HDLBP: variants seen among roughly 807,000 people sequenced by gnomAD.
The protein encoded by HDLBP is high density lipoprotein binding protein, also known as vigilin.
Under a neutral mutation model 137.3 loss-of-function variants are expected in HDLBP, and 30 were observed. That is an observed-to-expected ratio of 0.22 (90% CI 0.16 to 0.30). The LOEUF is 0.30. HDLBP is among the 10% of genes least tolerant of loss of function. The pLI is 1.00. For synonymous variants in HDLBP, 606 were observed against 596.0 expected, an observed-to-expected ratio of 1.02 and a Z score of -0.24; for missense variants, 1,119 against 1,667.3, an observed-to-expected ratio of 0.67 and a Z score of 5.73.
At chr2:241,236,257 G>A (rs986938135) in intron 21 of HDLBP, 3 of 308,588 alleles carry the variant, frequency 9.7e-6, no homozygotes, top group African/African-American at 2.1e-5. Context: ...AGGTGAGCTA[G>A]GCCTGATAAC....
At chr2:241,279,274 A>G (rs12474449) in intron 1 of HDLBP, among the ~76,000 whole-genome samples, 48,803 of 152,062 alleles carry the variant, frequency 0.32, 8,554 homozygotes, top group East Asian at 0.51. Flanking sequence ...ATTTTATACA[A>G]TTTTTATTTA....
intron 21 of HDLBP, chr2:241,236,342 C>T (rs1574856400): frequency 4.0e-6 from 2 of 498,068 alleles, no homozygotes; most frequent in South Asian, 4.8e-5. Flanking sequence ...TTCCACAGCC[C>T]CCGCACCCAC....
intron 1 of HDLBP, among the ~76,000 whole-genome samples, chr2:241,311,466 AG>A (rs1477112115): frequency 6.6e-6 from 1 of 152,232 alleles, no homozygotes; most frequent in African/African-American, 2.4e-5. Flanking sequence ...CTCCAACACA[AG>A]AGGGAGTGAG....
intron 1 of HDLBP, among the ~76,000 whole-genome samples, chr2:241,290,372 A>G (rs2074973150): frequency 6.6e-6 from 1 of 152,196 alleles, no homozygotes; most frequent in Non-Finnish European, 1.5e-5. Context: ...GCACCTTGAA[A>G]GGCCAAGGTG....
rs1039763993 is a variant in HDLBP, at chr2:241,240,756, G to C, written c.2170-634C>G. Among the ~76,000 whole-genome samples the C allele has an allele frequency of 6.6e-6, 1 of 152,076 alleles. No homozygotes were observed. The highest frequency in any genetic ancestry group is 2.4e-5 in the African/African-American group (1 of 41,418). On this transcript the variant is annotated intron_variant, in intron 17 of 27. Coordinates refer to ENST00000310931, the MANE Select transcript of HDLBP (RefSeq NM_005336.6). The surrounding 1 kb of genome is among the most constrained non-coding windows in gnomAD (Gnocchi z 5.5). ...GTGCGACGCCCTTGTGTGGCAGTAA[G>C]AAAACGAGGGTCCTGGAAAGGCCCC...
chr2:241,246,228 T>A (rs775870289), intron 16 of HDLBP, among the ~76,000 whole-genome samples: 1 of 138,756 alleles, frequency 7.2e-6, no homozygotes, highest in African/African-American at 2.8e-5. Context: ...AAGCATCTAC[T>A]GTGGCCGAAA....
intron 21 of HDLBP, 165 bp downstream of exon 21, chr2:241,236,450 T>G (rs951881225): frequency 1.4e-6 from 1 of 695,056 alleles, no homozygotes; most frequent in Non-Finnish European, 2.5e-6. Flanking sequence ...AAACTCTGTG[T>G]CCAGCCGAGA....
chr2:241,231,010 C>T (rs1454508333), intron 24 of HDLBP, 66 bp from the exon 25 acceptor site: 33 of 1,408,634 alleles, frequency 2.3e-5, no homozygotes, highest in Non-Finnish European at 3.1e-5. Context: ...GGGCAAGAGC[C>T]GGCCCCCACT....
intron 16 of HDLBP, among the ~76,000 whole-genome samples, chr2:241,243,859 A>G (rs1157410966): frequency 6.6e-6 from 1 of 152,194 alleles, no homozygotes; most frequent in Non-Finnish European, 1.5e-5. Context: ...ATACAAAAAC[A>G]CCCTCATTAA....
chr2:241,301,948 G>A (rs185852311), intron 1 of HDLBP, among the ~76,000 whole-genome samples: 1 of 151,964 alleles, frequency 6.6e-6, no homozygotes, highest in Non-Finnish European at 1.5e-5. Flanking sequence ...AAGAGGCCGA[G>A]GGCCAGGCAC....
chr2:241,275,017 A>G (rs2074337347), intron 1 of HDLBP, among the ~76,000 whole-genome samples: 1 of 152,176 alleles, frequency 6.6e-6, no homozygotes, highest in Admixed American at 6.6e-5. Flanking sequence ...AAAGCCCACT[A>G]GTGTAGAGGG....
intron 1 of HDLBP, among the ~76,000 whole-genome samples, chr2:241,301,879 G>T (rs1183563434): frequency 6.6e-6 from 1 of 151,896 alleles, no homozygotes; most frequent in East Asian, 1.9e-4. Flanking sequence ...AAGCCCTAAG[G>T]GGTAAAACTG....
chr2:241,241,406 A>G (rs1157830658), intron 17 of HDLBP, among the ~76,000 whole-genome samples: 17 of 151,778 alleles, frequency 1.1e-4, no homozygotes, highest in Admixed American at 1.1e-3. Flanking sequence ...TCTCTACTAA[A>G]AATACAAAAA....
intron 1 of HDLBP, among the ~76,000 whole-genome samples, chr2:241,277,115 A>G (rs778829998): frequency 2.1e-4 from 32 of 152,170 alleles, no homozygotes; most frequent in Admixed American, 2.1e-3. Flanking sequence ...CTTCTAAGTA[A>G]CTCATGGAAC....
intron 13 of HDLBP, 33 bp downstream of exon 13, chr2:241,248,210 TA>T: frequency 6.4e-7 from 1 of 1,572,616 alleles, no homozygotes; most frequent in Non-Finnish European, 8.8e-7. Context: ...GGATCACTCC[TA>T]TAGAGTTACA....
rs1221368555 is a variant in HDLBP, at chr2:241,228,885, T to TG, written c.*715dup. The TG allele has an allele frequency of 6.5e-6, 1 of 152,704 alleles. No individual in the cohort carries two copies. The highest frequency in any genetic ancestry group is 1.9e-4 in the East Asian group (1 of 5,192). The allele number at this position is 152,704 out of a possible 1,614,324, so 9.5% of individuals were successfully genotyped here. ...TGACGGCCACAGGGGACCCAGATGGTGCCTACCACCTTGCCTCCAGGCTCC... is the reference window on the plus strand; with the variant it reads ...TGACGGCCACAGGGGACCCAGATGGTGGCCTACCACCTTGCCTCCAGGCTCC... On this transcript the variant is annotated 3_prime_UTR_variant, in exon 28 of 28. Coordinates refer to ENST00000310931, the MANE Select transcript of HDLBP (RefSeq NM_005336.6).
intron 16 of HDLBP, among the ~76,000 whole-genome samples, chr2:241,246,067 G>T (rs1439776129): frequency 2.0e-5 from 3 of 152,116 alleles, no homozygotes; most frequent in Non-Finnish European, 4.4e-5. Flanking sequence ...TATCCCTACA[G>T]TGCAATATTA....
intron 1 of HDLBP, among the ~76,000 whole-genome samples, chr2:241,283,472 T>C (rs2074686723): frequency 6.6e-6 from 1 of 151,464 alleles, no homozygotes; most frequent in Admixed American, 6.6e-5. Context: ...GCTAGATGGC[T>C]TCTTTTTTTT....
chr2:241,290,840 T>C (rs2074991883), intron 1 of HDLBP, among the ~76,000 whole-genome samples: 1 of 152,224 alleles, frequency 6.6e-6, no homozygotes, highest in South Asian at 2.1e-4. Context: ...TATTTAACTT[T>C]AAAACACAAT....
Sources: gnomAD v4.1 joint callset for allele counts (sites outside exome capture counted in the v4.1 genomes callset) on GRCh38, gnomAD v4.1.1 for gene constraint, Gnocchi (gnomAD v3.1) non-coding constraint, MANE v1.5 for transcripts, NCBI Gene and HGNC (gene_info 2026-07-23, HGNC 2026-07-21) for gene names.